The following MAGI2 variants were observed in gnomAD, a reference collection of about 807,000 sequenced individuals.
MAGI2 encodes membrane associated guanylate kinase, WW and PDZ domain containing 2, also known as membrane-associated guanylate kinase, WW and PDZ domain-containing protein 2.
Under a neutral mutation model 133.3 loss-of-function variants are expected in MAGI2, and 35 were observed. The ratio of observed to expected loss-of-function variants is 0.26; its 90% CI spans 0.20 to 0.35. MAGI2 has a LOEUF of 0.35. MAGI2 is among the 10% of genes least tolerant of loss of function. The pLI, the probability that MAGI2 is intolerant of heterozygous loss-of-function variation, is 1.00. For missense variants in MAGI2, 1,636 were observed against 1,863.4 expected, an observed-to-expected ratio of 0.88 and a Z score of 2.25; for synonymous variants, 729 against 710.6, an observed-to-expected ratio of 1.03 and a Z score of -0.41.
chr7:78,617,457 C>T (rs1807230416), intron 3 of MAGI2: 1 of 151,998 alleles, frequency 6.6e-6, no homozygotes, highest in African/African-American at 2.4e-5. Flanking sequence ...ATAGATACAA[C>T]CTATAACGGA....
intron 2 of MAGI2, among the ~76,000 whole-genome samples, chr7:78,936,632 CA>C (rs1365379156): frequency 6.6e-6 from 1 of 151,894 alleles, no homozygotes; most frequent in Admixed American, 6.6e-5. Flanking sequence ...CTCATGTAAA[CA>C]TACAAATTAA....
intron 2 of MAGI2, among the ~76,000 whole-genome samples, chr7:78,798,383 A>G (rs1430287146): frequency 6.6e-6 from 1 of 152,124 alleles, no homozygotes; most frequent in Non-Finnish European, 1.5e-5. Context: ...CATGTTGGCA[A>G]CCACAAAATT....
chr7:79,107,248 C>A (rs1457716890), intron 1 of MAGI2, among the ~76,000 whole-genome samples: 1 of 152,130 alleles, frequency 6.6e-6, no homozygotes, highest in Non-Finnish European at 1.5e-5. Context: ...CTCAAATCTC[C>A]ATTGCTGGCT....
intron 10 of MAGI2, 179 bp downstream of exon 10, chr7:78,255,762 CAT>C (rs1338010181): frequency 2.4e-5 from 16 of 670,138 alleles, no homozygotes; most frequent in East Asian, 1.4e-4. Flanking sequence ...TAGAAAAAGA[CAT>C]ATTCTGAATT....
At chr7:79,266,605 G>A (rs1834477238) in intron 1 of MAGI2, among the ~76,000 whole-genome samples, 1 of 152,058 alleles carries the variant, frequency 6.6e-6, no homozygotes, top group African/African-American at 2.4e-5. Context: ...CTTTTCTCTG[G>A]CTTAACCCAT....
At position 78,728,560 on chromosome 7, in the gene MAGI2, T is replaced by C. The variant is rs1158952203; in HGVS notation, c.419-101321A>G. ...CTGATCTTTTTTTTTTTTTTTTTTT[T>C]TTTTTTTTTTTTTTTTTTTTTTTGA... On this transcript the variant is annotated intron_variant, in intron 2 of 21. Coordinates refer to ENST00000354212, the MANE Select transcript of MAGI2 (RefSeq NM_012301.4). Among the ~76,000 whole-genome samples the C allele has an allele frequency of 2.3e-4, 18 of 77,052 alleles. No homozygotes were observed. The East Asian group carries it at 4.8e-3, about 21-fold the overall frequency. The allele number at this position is 77,052 out of a possible 152,430, so 50.5% of individuals were successfully genotyped here. A position where few individuals can be genotyped will look rare whatever the true frequency, so the allele number is the denominator to read the frequency against.
At chr7:78,869,679 T>G (rs1794866250) in intron 2 of MAGI2, among the ~76,000 whole-genome samples, 1 of 152,188 alleles carries the variant, frequency 6.6e-6, no homozygotes, top group Non-Finnish European at 1.5e-5. Context: ...CAAGGAAAAC[T>G]GCTTTATGAA....
rs569540760 is a variant in MAGI2, at chr7:78,421,017, C to G, written c.1046-51804G>C. On this transcript the variant is annotated intron_variant, in intron 6 of 21. Coordinates refer to ENST00000354212, the MANE Select transcript of MAGI2 (RefSeq NM_012301.4). ...GTTGACAAATTGGACATAAATAAAT[C>G]ACTAGGACCAGATGGCATTCATCCA... 6.6e-5 allele frequency among the ~76,000 whole-genome samples: 10 copies of G among 152,190 alleles called. No individual in the cohort carries two copies. In the South Asian group the frequency reaches 2.1e-3, roughly 32 times the overall value.
At chr7:78,904,914 T>C (rs1471871918) in intron 2 of MAGI2, among the ~76,000 whole-genome samples, 1 of 151,054 alleles carries the variant, frequency 6.6e-6, no homozygotes, top group Admixed American at 6.6e-5. Flanking sequence ...GCCTCTTTGC[T>C]TTTTTCCTAT....
chr7:79,015,685 C>T (rs1339313174), intron 1 of MAGI2, among the ~76,000 whole-genome samples: 2 of 152,080 alleles, frequency 1.3e-5, no homozygotes, highest in Admixed American at 1.3e-4. Context: ...TTTTGGAATG[C>T]AGAATGGTTT....
intron 21 of MAGI2, among the ~76,000 whole-genome samples, chr7:78,044,334 A>G (rs1261389112): frequency 1.3e-5 from 2 of 152,184 alleles, no homozygotes; most frequent in Non-Finnish European, 2.9e-5. Context: ...TCCTCTCTCC[A>G]ACATAGCTAT....
chr7:78,914,817 G>A (rs1026808768), intron 2 of MAGI2, among the ~76,000 whole-genome samples: 1 of 151,962 alleles, frequency 6.6e-6, no homozygotes. Flanking sequence ...ACATTTAAAG[G>A]ACAAAATGTA....
intron 1 of MAGI2, among the ~76,000 whole-genome samples, chr7:79,445,187 T>A (rs1389887643): frequency 1.3e-5 from 2 of 152,162 alleles, no homozygotes; most frequent in Non-Finnish European, 2.9e-5. Context: ...AAGACTTAAA[T>A]GTTAGACCTA....
chr7:78,086,268 C>CA (rs112365366), intron 20 of MAGI2, among the ~76,000 whole-genome samples: 25,542 of 122,032 alleles, frequency 0.21, 2,371 homozygotes, highest in South Asian at 0.27. Context: ...GATGGAGTTT[C>CA]ACTCTGTTGC....
chr7:78,808,937 T>A (rs1029939100), intron 2 of MAGI2, among the ~76,000 whole-genome samples: 3 of 152,226 alleles, frequency 2.0e-5, no homozygotes, highest in African/African-American at 7.2e-5. Context: ...ACAAACTTAA[T>A]TTCTGTCAGG....
chr7:78,236,870 A>T (rs183958426), intron 10 of MAGI2, among the ~76,000 whole-genome samples: 1 of 152,216 alleles, frequency 6.6e-6, no homozygotes, highest in African/African-American at 2.4e-5. Context: ...GAGCTCTCAC[A>T]ATCATGGTGG....
chr7:78,658,850 C>T (rs1474553513), intron 2 of MAGI2, among the ~76,000 whole-genome samples: 1 of 152,114 alleles, frequency 6.6e-6, no homozygotes, highest in Non-Finnish European at 1.5e-5. Flanking sequence ...ATAGATTAGT[C>T]GTGGGATGTA....
intron 1 of MAGI2, among the ~76,000 whole-genome samples, chr7:79,430,812 A>C (rs951037062): frequency 1.3e-5 from 2 of 152,230 alleles, no homozygotes; most frequent in African/African-American, 2.4e-5. Context: ...TATCAGAGCC[A>C]ATGAAAAACA....
rs372905098 is a variant in MAGI2, at chr7:78,122,573, C to T, written c.3567+3121G>A. Among the ~76,000 whole-genome samples the T allele has an allele frequency of 6.3e-4, 96 of 152,254 alleles. 3 individuals are homozygous for T. In the South Asian group the frequency reaches 0.019, roughly 30 times the overall value. On this transcript the variant is annotated intron_variant, in intron 20 of 21. Transcript: ENST00000354212. ...TAAATAGGCATACACAAATGGTACC[C>T]AGCTGCAAGTGATGAAGTTATGAAA...
Sources: allele counts gnomAD v4.1 joint callset (sites outside exome capture counted in the v4.1 genomes callset), GRCh38; gene constraint gnomAD v4.1.1; transcripts MANE v1.5; gene names NCBI Gene and HGNC (gene_info 2026-07-23, HGNC 2026-07-21).